SPAG9: variants seen among roughly 807,000 people sequenced by gnomAD.
The protein encoded by SPAG9 is sperm associated antigen 9, also known as C-Jun-amino-terminal kinase-interacting protein 4.
In SPAG9, 35 loss-of-function variants were observed where a neutral mutation model predicts 166.5. The observed-to-expected ratio is 0.21, with a 90% CI of 0.16 to 0.28. SPAG9 has a LOEUF of 0.28. Ranked by LOEUF, SPAG9 falls within the 10% of genes least tolerant of loss-of-function variation. The probability of loss-of-function intolerance (pLI) is 1.00; values close to 1 mark genes in which losing one functional copy is unlikely to be tolerated. For missense variants in SPAG9, 1,235 were observed against 1,603.3 expected, an observed-to-expected ratio of 0.77 and a Z score of 3.92; for synonymous variants, 534 against 565.5, an observed-to-expected ratio of 0.94 and a Z score of 0.79.
intron 19 of SPAG9, among the ~76,000 whole-genome samples, chr17:50,991,821 A>G (rs936589078): frequency 2.0e-5 from 3 of 148,284 alleles, no homozygotes; most frequent in Admixed American, 6.8e-5. Context: ...ACGGGGTTTT[A>G]CCATGTTGGC....
At chr17:51,009,534 T>C (rs1397398540) in intron 9 of SPAG9, among the ~76,000 whole-genome samples, 1 of 152,198 alleles carries the variant, frequency 6.6e-6, no homozygotes, top group Non-Finnish European at 1.5e-5. Context: ...TGCATGAATA[T>C]ACTGCTACTG....
intron 1 of SPAG9, among the ~76,000 whole-genome samples, chr17:51,114,913 C>T (rs1331342063): frequency 6.6e-6 from 1 of 151,498 alleles, no homozygotes; most frequent in Non-Finnish European, 1.5e-5. Context: ...GATAGTGCCA[C>T]TGCACTCCAG....
chr17:50,999,688 TC>T lies in SPAG9; in HGVS notation c.1636del (p.Glu546LysfsTer31). The stretch of plus-strand genomic sequence containing the variant: ...CTGCCAAATGCTTGACCTTTTTTTT[TC>T]CTGCATGGCTGGATTTTCTCGTGAT... ...RASRENPAMQ[E>X]KKRSSIWQFF... is the part of the protein sequence containing the mutation. On this transcript the variant is annotated frameshift_variant, in exon 14 of 30. Transcript: ENST00000262013. LOFTEE classifies it high-confidence loss of function. 6.2e-7 allele frequency: 1 copy of T among 1,613,686 alleles called. No homozygotes were observed. The highest frequency in any genetic ancestry group is 8.5e-7 in the Non-Finnish European group (1 of 1,179,776).
intron 24 of SPAG9, among the ~76,000 whole-genome samples, chr17:50,984,627 A>G (rs982800005): frequency 1.3e-5 from 2 of 152,202 alleles, no homozygotes; most frequent in African/African-American, 4.8e-5. Flanking sequence ...CGGAGCTTGC[A>G]GTGAGCTGAG....
At chr17:50,969,653 T>C (rs1973622936) in intron 29 of SPAG9, among the ~76,000 whole-genome samples, 1 of 152,174 alleles carries the variant, frequency 6.6e-6, no homozygotes, top group South Asian at 2.1e-4. Flanking sequence ...TACTCCACAC[T>C]CTTGTCATTT....
chr17:51,065,732 T>C (rs2047644067), intron 2 of SPAG9, among the ~76,000 whole-genome samples: 1 of 152,194 alleles, frequency 6.6e-6, no homozygotes, highest in Non-Finnish European at 1.5e-5. Flanking sequence ...GCAGGTAGCC[T>C]CTGACTGACT....
intron 28 of SPAG9, among the ~76,000 whole-genome samples, chr17:50,974,238 A>G (rs1974055777): frequency 6.6e-6 from 1 of 152,188 alleles, no homozygotes; most frequent in African/African-American, 2.4e-5. Flanking sequence ...TTTTCATAAC[A>G]AATGAAGTAG....
chr17:51,065,969 G>C (rs1416861012), intron 2 of SPAG9, among the ~76,000 whole-genome samples: 2 of 152,152 alleles, frequency 1.3e-5, no homozygotes, highest in South Asian at 4.1e-4. Context: ...AATAACATTT[G>C]AGTCATTAAT....
intron 1 of SPAG9, among the ~76,000 whole-genome samples, chr17:51,117,851 T>C (rs1472213162): frequency 6.6e-6 from 1 of 151,770 alleles, no homozygotes; most frequent in Non-Finnish European, 1.5e-5. Context: ...TGAAAACTGA[T>C]GGCCGGGTGT....
intron 18 of SPAG9, 144 bp from the exon 19 acceptor site, chr17:50,994,079 G>C: frequency 1.3e-6 from 1 of 785,740 alleles, no homozygotes; most frequent in Non-Finnish European, 2.0e-6. Flanking sequence ...CACTGATGTG[G>C]TTTGGCTGCG....
chr17:50,995,317 T>C, intron 17 of SPAG9, 93 bp from the exon 18 acceptor site: 1 of 1,325,746 alleles, frequency 7.5e-7, no homozygotes, highest in Non-Finnish European at 1.0e-6. Flanking sequence ...AATACAGGTC[T>C]TATAACCTAA....
rs1023810785 is a variant in SPAG9, at chr17:50,991,923, CTT to C, written c.2399-1257_2399-1256del. On this transcript the variant is annotated intron_variant, in intron 19 of 29. Coordinates refer to ENST00000262013, the MANE Select transcript of SPAG9 (RefSeq NM_001130528.3). ...ACAGGTGTAAGCCACCATGCCAGGT[CTT>C]TTTTTTTTTTTTTTTTTTTTTTTTT... Among the ~76,000 whole-genome samples the C allele has an allele frequency of 5.7e-3, 362 of 63,316 alleles. 2 individuals carry two copies. The highest frequency in any genetic ancestry group is 0.019 in the African/African-American group (294 of 15,776). The allele number at this position is 63,316 out of a possible 152,430, so 41.5% of individuals were successfully genotyped here. A position where few individuals can be genotyped will look rare whatever the true frequency, so the allele number is the denominator to read the frequency against.
At chr17:50,988,934 G>A (rs1046989218) in intron 21 of SPAG9, among the ~76,000 whole-genome samples, 25 of 152,056 alleles carry the variant, frequency 1.6e-4, no homozygotes, top group African/African-American at 6.0e-4. Flanking sequence ...CTTGTACAAT[G>A]GCAGATTTAA....
chr17:51,062,321 G>A (rs1044862071), intron 2 of SPAG9, among the ~76,000 whole-genome samples: 1 of 152,086 alleles, frequency 6.6e-6, no homozygotes, highest in Admixed American at 6.5e-5. Flanking sequence ...GTACACTCGT[G>A]GTGTTGTATA....
At chr17:51,004,554 A>T (rs1356945349) in intron 12 of SPAG9, among the ~76,000 whole-genome samples, 1 of 152,188 alleles carries the variant, frequency 6.6e-6, no homozygotes. Flanking sequence ...CCTGGCCAAC[A>T]AGGCAAAATC....
chr17:51,000,560 C>A (rs2044890795), intron 13 of SPAG9, among the ~76,000 whole-genome samples: 1 of 151,918 alleles, frequency 6.6e-6, no homozygotes, highest in Non-Finnish European at 1.5e-5. Flanking sequence ...ATGGTGAAAC[C>A]CTGTCTCTAC....
At chr17:51,108,819 T>C (rs117847097) in intron 1 of SPAG9, among the ~76,000 whole-genome samples, 2,549 of 152,060 alleles carry the variant, frequency 0.017, 36 homozygotes, top group Non-Finnish European at 0.026. Flanking sequence ...TATGTGATAA[T>C]TTTATTTATT....
rs1328836888 is a variant in SPAG9, at chr17:50,962,716, G to A, written c.*3556C>T. The A allele has an allele frequency of 6.6e-6, 1 of 152,130 alleles. No individual in the cohort carries two copies. Among genetic ancestry groups the A allele is most frequent in the African/African-American group, 2.4e-5 (1 of 41,404 alleles). The allele number at this position is 152,130 out of a possible 1,614,324, so 9.4% of individuals were successfully genotyped here. A position where few individuals can be genotyped will look rare whatever the true frequency, so the allele number is the denominator to read the frequency against. On this transcript the variant is annotated 3_prime_UTR_variant, in exon 30 of 30. Transcript: ENST00000262013. ...GTTCCATGGCATTTGCAAGACACAT[G>A]TTCTTTAGGACAGTTAATATTATGA...
intron 29 of SPAG9, among the ~76,000 whole-genome samples, chr17:50,968,455 G>A (rs1973524283): frequency 6.6e-6 from 1 of 152,168 alleles, no homozygotes; most frequent in Admixed American, 6.5e-5. Flanking sequence ...AATAAGCTGG[G>A]TGCGGTGCCT....
Sources: gnomAD v4.1 joint callset for allele counts (sites outside exome capture counted in the v4.1 genomes callset) on GRCh38, gnomAD v4.1.1 for gene constraint, MANE v1.5 for transcripts, NCBI Gene and HGNC (gene_info 2026-07-23, HGNC 2026-07-21) for gene names.